The following NRP1 variants were observed in gnomAD, a reference collection of about 807,000 sequenced individuals.
NRP1 encodes the protein neuropilin-1.
In NRP1, 35 loss-of-function variants were observed where a neutral mutation model predicts 106.7. The ratio of observed to expected loss-of-function variants is 0.33; its 90% CI spans 0.25 to 0.43. NRP1 has a LOEUF of 0.43. Among genes scored for constraint, NRP1 ranks in the 20% least tolerant of loss-of-function variants. NRP1 has a pLI of 1.00. For synonymous variants in NRP1, 437 were observed against 417.9 expected (o/e 1.05, Z -0.56); for missense variants, 1,024 against 1,170.4 (o/e 0.87, Z 1.83).
intron 2 of NRP1, among the ~76,000 whole-genome samples, chr10:33,296,660 G>A (rs1049150229): frequency 1.3e-5 from 2 of 152,144 alleles, no homozygotes; most frequent in African/African-American, 4.8e-5. Context: ...ATTGGTTTAG[G>A]CAAGAGTCAG....
At position 33,226,159 on chromosome 10, in the gene NRP1, G is replaced by A. The variant is rs530168426; in HGVS notation, c.1112C>T (p.Thr371Ile). 1.6e-5 allele frequency: 26 copies of A among 1,614,116 alleles called. No individual in the cohort carries two copies. The South Asian group carries it at 2.2e-4, about 14-fold the overall frequency. The change falls in exon 7 of 17, where the codon ACC (threonine) becomes ATC (isoleucine). Residue 371 changes from threonine (T) to isoleucine (I), a missense_variant. Thr to Ile is a moderately conservative substitution (Grantham distance 89). Coordinates refer to ENST00000374867, the MANE Select transcript of NRP1 (RefSeq NM_003873.7). Reference sequence around the variant, plus strand: ...AACAGGTTTGTTTCCTTCTTTTATGGTGATCCAGTCTTCCCCGTTGGAGCT... The same window carrying A: ...AACAGGTTTGTTTCCTTCTTTTATGATGATCCAGTCTTCCCCGTTGGAGCT... ...DVSSNGEDWI[T>I]IKEGNKPVLF...
At position 33,185,704 on chromosome 10, in the gene NRP1, G is replaced by A. The variant is rs138261778; in HGVS notation, c.2355C>T (p.Ile785=). The change falls in exon 15 of 17, where the codon ATC becomes ATT. Residue 785 remains isoleucine, a synonymous_variant. Transcript: ENST00000374867. ...KLYQVIFEGE[I]GKGNLGGIAV... ...CAATCCCACCAAGGTTTCCTTTTCC[G>A]ATTTCGCCCTCGAAAATCACCTAAC... The A allele has an allele frequency of 1.6e-4, 252 of 1,613,744 alleles. No individual in the cohort carries two copies. The highest frequency in any genetic ancestry group is 2.3e-4 in the Admixed American group (14 of 59,980).
intron 2 of NRP1, among the ~76,000 whole-genome samples, chr10:33,285,844 A>AAAACT (rs1844488640): frequency 6.6e-6 from 1 of 151,674 alleles, no homozygotes. Flanking sequence ...AAAACAAAAC[A>AAAACT]AAACAAAACA....
chr10:33,333,249 T>C (rs116282828), intron 1 of NRP1, among the ~76,000 whole-genome samples: 3,440 of 152,106 alleles, frequency 0.023, 150 homozygotes, highest in African/African-American at 0.078. Context: ...TTTTTGCATG[T>C]GTTTTGCTTT....
intron 11 of NRP1, among the ~76,000 whole-genome samples, chr10:33,198,870 C>T (rs1279241412): frequency 6.6e-6 from 1 of 152,086 alleles, no homozygotes; most frequent in Non-Finnish European, 1.5e-5. Context: ...AAAAGGGGAA[C>T]AGGAGAAATA....
At chr10:33,279,312 C>T (rs1242023919) in intron 2 of NRP1, among the ~76,000 whole-genome samples, 4 of 152,188 alleles carry the variant, frequency 2.6e-5, no homozygotes, top group Admixed American at 1.3e-4. Context: ...GTTGGCTGGG[C>T]TGCAGTCTCA....
intron 2 of NRP1, among the ~76,000 whole-genome samples, chr10:33,311,899 A>G (rs916982689): frequency 2.6e-5 from 4 of 152,232 alleles, no homozygotes; most frequent in Admixed American, 1.3e-4. Flanking sequence ...GGCCAGTCTC[A>G]GGAAAGGTGT....
At chr10:33,333,553 C>T (rs937239085) in intron 1 of NRP1, among the ~76,000 whole-genome samples, 1 of 152,132 alleles carries the variant, frequency 6.6e-6, no homozygotes, top group Admixed American at 6.5e-5. Flanking sequence ...TAATTGCATA[C>T]CCTTGCCTGC....
intron 3 of NRP1, among the ~76,000 whole-genome samples, chr10:33,264,352 T>C (rs752767196): frequency 1.6e-4 from 24 of 152,228 alleles, no homozygotes; most frequent in Non-Finnish European, 2.5e-4. Context: ...CTCTGCCAGA[T>C]GTGACCTATG....
At chr10:33,333,967 G>C (rs933386399) in intron 1 of NRP1, among the ~76,000 whole-genome samples, 3 of 152,172 alleles carry the variant, frequency 2.0e-5, no homozygotes, top group Admixed American at 1.3e-4. Flanking sequence ...ACAGCCATCA[G>C]ATTTTTGAAA....
At chr10:33,190,283 G>C (rs76108658) in intron 13 of NRP1, among the ~76,000 whole-genome samples, 4,089 of 152,234 alleles carry the variant, frequency 0.027, 167 homozygotes, top group African/African-American at 0.092. Flanking sequence ...GCTTCACTTT[G>C]CATCAATTTT....
chr10:33,273,825 A>G (rs1229672015), intron 2 of NRP1, among the ~76,000 whole-genome samples: 1 of 152,142 alleles, frequency 6.6e-6, no homozygotes, highest in African/African-American at 2.4e-5. Context: ...GCTCCAGTTC[A>G]CAAGGAGGCT....
intron 8 of NRP1, among the ~76,000 whole-genome samples, chr10:33,216,875 A>C (rs945215296): frequency 1.3e-5 from 2 of 152,164 alleles, no homozygotes; most frequent in East Asian, 1.9e-4. Flanking sequence ...TTTTATACAT[A>C]GTATTTGCTC....
intron 13 of NRP1, among the ~76,000 whole-genome samples, chr10:33,190,301 T>A (rs922185134): frequency 6.6e-5 from 10 of 152,238 alleles, no homozygotes; most frequent in Admixed American, 6.5e-5. Flanking sequence ...TTTTCCACCA[T>A]TACTGCCTTC....
chr10:33,332,311 G>C (rs933740563), intron 1 of NRP1, among the ~76,000 whole-genome samples: 3 of 152,156 alleles, frequency 2.0e-5, no homozygotes, highest in Non-Finnish European at 2.9e-5. Context: ...CAAAATCTCA[G>C]CTAATGATCA....
At chr10:33,253,964 A>T in intron 6 of NRP1, 64 bp downstream of exon 6, 2 of 1,483,478 alleles carry the variant, frequency 1.3e-6, no homozygotes, top group African/African-American at 1.4e-5. Flanking sequence ...CTTTCTTTCA[A>T]CAACCTCTCT....
chr10:33,246,583 AACACAC>A (rs59215824), intron 6 of NRP1, among the ~76,000 whole-genome samples: 1 of 137,644 alleles, frequency 7.3e-6, no homozygotes, highest in South Asian at 2.3e-4. Context: ...AGTTGCAATA[AACACAC>A]ACACACACAC....
At chr10:33,240,862 G>A (rs184513728) in intron 6 of NRP1, among the ~76,000 whole-genome samples, 2 of 152,296 alleles carry the variant, frequency 1.3e-5, no homozygotes, top group Admixed American at 1.3e-4. Flanking sequence ...GAAATTGTGG[G>A]TAAACAGTTA....
intron 6 of NRP1, among the ~76,000 whole-genome samples, chr10:33,249,210 G>T (rs1250953127): frequency 9.3e-5 from 14 of 150,632 alleles, no homozygotes; most frequent in African/African-American, 3.4e-4. Flanking sequence ...TTACAGTGTG[G>T]TGAACACTAT....
Sources: gnomAD v4.1 joint callset for allele counts (sites outside exome capture counted in the v4.1 genomes callset) on GRCh38, gnomAD v4.1.1 for gene constraint, MANE v1.5 for transcripts, NCBI Gene and HGNC (gene_info 2026-07-23, HGNC 2026-07-21) for gene names.